DPP10: variants seen among roughly 807,000 people sequenced by gnomAD.
DPP10 encodes the protein inactive dipeptidyl peptidase 10.
DPP10 carries 33 observed loss-of-function variants against 120.9 expected under a neutral mutation model. The ratio of observed to expected loss-of-function variants is 0.27; its 90% CI spans 0.21 to 0.37. The LOEUF is 0.37. Among genes scored for constraint, DPP10 ranks in the 10% least tolerant of loss-of-function variants. The probability of loss-of-function intolerance (pLI) is 1.00; values close to 1 mark genes in which losing one functional copy is unlikely to be tolerated. For missense variants in DPP10, 816 were observed against 942.8 expected (o/e 0.87, Z 1.76); for synonymous variants, 337 against 326.1 (o/e 1.03, Z -0.36).
At chr2:115,766,684 G>A (rs1227209383) in intron 12 of DPP10, among the ~76,000 whole-genome samples, 1 of 152,090 alleles carries the variant, frequency 6.6e-6, no homozygotes, top group Non-Finnish European at 1.5e-5. Flanking sequence ...CAGTACTGCA[G>A]GCTGTACAGA....
At chr2:115,675,507 C>A (rs1398452765) in intron 5 of DPP10, among the ~76,000 whole-genome samples, 1 of 152,058 alleles carries the variant, frequency 6.6e-6, no homozygotes, top group Non-Finnish European at 1.5e-5. Context: ...TGATGAAGAC[C>A]ATCTGAGGCA....
intron 1 of DPP10, chr2:115,297,430 A>T: frequency 6.1e-6 from 1 of 165,000 alleles, no homozygotes; most frequent in Non-Finnish European, 1.3e-5. Context: ...TCACACTTTG[A>T]TATAAAATTA....
intron 1 of DPP10, among the ~76,000 whole-genome samples, chr2:114,994,677 C>A (rs1173692054): frequency 6.6e-6 from 1 of 152,164 alleles, no homozygotes; most frequent in African/African-American, 2.4e-5. Context: ...GTTCTACTTA[C>A]TCATTATATT....
chr2:115,801,934 G>A (rs563418822), intron 19 of DPP10, among the ~76,000 whole-genome samples: 87 of 152,322 alleles, frequency 5.7e-4, no homozygotes, highest in Non-Finnish European at 7.1e-4. Flanking sequence ...GTATCAGGAT[G>A]ATGCTGGCCT....
At chr2:114,443,522 C>T (rs1191157916) in intron 1 of DPP10, among the ~76,000 whole-genome samples, 2 of 152,118 alleles carry the variant, frequency 1.3e-5, no homozygotes, top group Admixed American at 1.3e-4. Flanking sequence ...TCAAGTCATG[C>T]TTATACCATT....
intron 5 of DPP10, among the ~76,000 whole-genome samples, chr2:115,664,406 G>A (rs2089273090): frequency 6.6e-6 from 1 of 151,898 alleles, no homozygotes; most frequent in Non-Finnish European, 1.5e-5. Flanking sequence ...TATGGGTTAA[G>A]GTCCTGAATT....
chr2:115,729,651 T>TCAGCA (rs2092850676), intron 8 of DPP10, among the ~76,000 whole-genome samples: 2 of 152,116 alleles, frequency 1.3e-5, no homozygotes, highest in Non-Finnish European at 2.9e-5. Flanking sequence ...GCACCTGTGT[T>TCAGCA]CCCAGCTGAA....
intron 7 of DPP10, among the ~76,000 whole-genome samples, chr2:115,691,984 G>A (rs1306461468): frequency 1.3e-5 from 2 of 151,954 alleles, no homozygotes; most frequent in African/African-American, 4.8e-5. Context: ...TATCAACCTT[G>A]CTACGCACAA....
intron 12 of DPP10, among the ~76,000 whole-genome samples, chr2:115,767,480 T>TGTGTGTGTGTATATATATATACACATA (rs1477877855): frequency 2.1e-5 from 3 of 144,654 alleles, no homozygotes; most frequent in African/African-American, 7.4e-5. Context: ...TATATGTGTG[T>TGTGTGTGTGTATATATATATACACATA]GTGTGTGTGT....
At chr2:114,892,571 C>G (rs1262416745) in intron 1 of DPP10, among the ~76,000 whole-genome samples, 7 of 152,224 alleles carry the variant, frequency 4.6e-5, no homozygotes, top group Non-Finnish European at 7.3e-5. Context: ...TCCACATTAA[C>G]TAAAATGAGC....
intron 1 of DPP10, among the ~76,000 whole-genome samples, chr2:115,227,134 A>G (rs2057473689): frequency 2.0e-5 from 3 of 152,154 alleles, no homozygotes; most frequent in Admixed American, 6.6e-5. Context: ...GCGTGGGACC[A>G]ATCTTCTCAA....
At position 115,436,829 on chromosome 2, in the gene DPP10, G is replaced by A. The variant is rs142580571; in HGVS notation, c.272-62681G>A. On this transcript the variant is annotated intron_variant, in intron 3 of 25. Coordinates refer to ENST00000410059, the MANE Select transcript of DPP10 (RefSeq NM_020868.6). The stretch of plus-strand genomic sequence containing the variant: ...ACAACTGTATTTTGAGGTAGAAATT[G>A]GGATATATATATGAGGCATTTTAAA... Among the ~76,000 whole-genome samples the A allele has an allele frequency of 3.6e-3, 554 of 151,850 alleles. 3 individuals carry two copies. The highest frequency in any genetic ancestry group is 0.013 in the African/African-American group (542 of 41,468).
intron 1 of DPP10, among the ~76,000 whole-genome samples, chr2:115,267,221 G>A (rs1312386345): frequency 6.6e-6 from 1 of 152,178 alleles, no homozygotes; most frequent in Non-Finnish European, 1.5e-5. Flanking sequence ...ATGTCCATAA[G>A]TGCCTCTATC....
chr2:115,241,114 C>G (rs919142731), intron 1 of DPP10, among the ~76,000 whole-genome samples: 4 of 152,062 alleles, frequency 2.6e-5, no homozygotes, highest in Admixed American at 2.0e-4. Flanking sequence ...ACTAAAAATA[C>G]AAAAATTAGC....
At chr2:115,821,052 C>T (rs1031880697) in intron 21 of DPP10, among the ~76,000 whole-genome samples, 5 of 152,198 alleles carry the variant, frequency 3.3e-5, no homozygotes, top group South Asian at 2.1e-4. Context: ...CACTGTTTTC[C>T]GTAGTGGTTG....
chr2:115,768,513 T>C, intron 13 of DPP10, 109 bp downstream of exon 13: 1 of 839,308 alleles, frequency 1.2e-6, no homozygotes, highest in South Asian at 1.7e-5. Flanking sequence ...AACCCAGCCA[T>C]ATATACAACT....
At chr2:115,805,600 G>A (rs561368124) in intron 19 of DPP10, among the ~76,000 whole-genome samples, 2 of 147,840 alleles carry the variant, frequency 1.4e-5, no homozygotes, top group East Asian at 2.0e-4. Flanking sequence ...TTGAGACGCA[G>A]TCTCACTCCT....
At chr2:115,822,747 A>G (rs1687933496) in intron 21 of DPP10, among the ~76,000 whole-genome samples, 1 of 151,968 alleles carries the variant, frequency 6.6e-6, no homozygotes, top group African/African-American at 2.4e-5. Flanking sequence ...GAATATTGTC[A>G]TAACTTCTCA....
intron 1 of DPP10, among the ~76,000 whole-genome samples, chr2:114,685,016 A>G (rs1203667640): frequency 1.3e-5 from 2 of 151,970 alleles, no homozygotes; most frequent in East Asian, 3.9e-4. Context: ...AAACTGAGTC[A>G]AAAGGACATA....
Sources: gnomAD v4.1 joint callset for allele counts (sites outside exome capture counted in the v4.1 genomes callset) on GRCh38, gnomAD v4.1.1 for gene constraint, MANE v1.5 for transcripts, NCBI Gene and HGNC (gene_info 2026-07-23, HGNC 2026-07-21) for gene names.